CTNNA3: variants seen among roughly 807,000 people sequenced by gnomAD.
The protein encoded by CTNNA3 is catenin alpha 3, also known as catenin alpha-3.
A neutral mutation model predicts 95.7 loss-of-function variants in CTNNA3; 76 were observed. The observed-to-expected ratio is 0.79, with a 90% CI of 0.66 to 0.96. CTNNA3 has a LOEUF of 0.96. Ranked by LOEUF, CTNNA3 falls within the 40% of genes least tolerant of loss-of-function variation. CTNNA3 has a pLI of 0.00. For missense variants in CTNNA3, 1,191 were observed against 1,089.8 expected (o/e 1.09, Z -1.31); for synonymous variants, 431 against 374.4 (o/e 1.15, Z -1.74).
intron 10 of CTNNA3, among the ~76,000 whole-genome samples, chr10:66,616,512 T>C (rs190683953): frequency 3.3e-4 from 50 of 152,216 alleles, no homozygotes; most frequent in African/African-American, 1.1e-3. Context: ...ATTGCTTTTC[T>C]GAGGTGTTCA....
chr10:67,562,020 C>A (rs1409368040), intron 3 of CTNNA3, among the ~76,000 whole-genome samples: 3 of 152,096 alleles, frequency 2.0e-5, no homozygotes, highest in Admixed American at 1.3e-4. Context: ...CAAAAAGAGT[C>A]CAGGACCAGA....
intron 7 of CTNNA3, among the ~76,000 whole-genome samples, chr10:66,972,158 A>G (rs1849757247): frequency 6.6e-6 from 1 of 152,164 alleles, no homozygotes; most frequent in Non-Finnish European, 1.5e-5. Context: ...TTAACAACAT[A>G]TAGTCAATTT....
chr10:66,885,923 GCCCA>G (rs1845026220), intron 7 of CTNNA3, among the ~76,000 whole-genome samples: 1 of 152,034 alleles, frequency 6.6e-6, no homozygotes, highest in African/African-American at 2.4e-5. Flanking sequence ...CTGGATAACT[GCCCA>G]ACCAACTTTC....
At position 66,772,612 on chromosome 10, in the gene CTNNA3, G is replaced by A. The variant is rs1317446642; in HGVS notation, c.1128+2832C>T. On this transcript the variant is annotated intron_variant, in intron 8 of 17. Coordinates refer to ENST00000433211, the MANE Select transcript of CTNNA3 (RefSeq NM_013266.4). ...CAAGAACATTTGTCTTTGTTCTCTA[G>A]TAAAACAGGCAAGAAAGTCACAGAG... is the stretch of plus-strand genomic sequence containing the variant. Among the ~76,000 whole-genome samples the A allele has an allele frequency of 3.9e-5, 6 of 152,278 alleles. No individual in the cohort carries two copies. In the East Asian group the frequency reaches 1.2e-3, roughly 29 times the overall value.
At chr10:67,607,816 C>G (rs918555598) in intron 2 of CTNNA3, among the ~76,000 whole-genome samples, 6 of 152,288 alleles carry the variant, frequency 3.9e-5, no homozygotes, top group Middle Eastern at 3.4e-3. Flanking sequence ...AAAATGTCCT[C>G]TCTTCAACTA....
chr10:67,160,876 GACA>G (rs1220550669), intron 7 of CTNNA3, among the ~76,000 whole-genome samples: 2 of 152,152 alleles, frequency 1.3e-5, no homozygotes, highest in African/African-American at 4.8e-5. Flanking sequence ...CTTGCACTGT[GACA>G]ACATGAATGA....
chr10:66,329,592 C>G (rs996234187), intron 12 of CTNNA3, among the ~76,000 whole-genome samples: 1 of 146,932 alleles, frequency 6.8e-6, no homozygotes, highest in Non-Finnish European at 1.5e-5. Context: ...AAAAAAAAAA[C>G]CTACTACAAA....
At chr10:66,635,638 G>A (rs1270739967) in intron 9 of CTNNA3, among the ~76,000 whole-genome samples, 1 of 152,106 alleles carries the variant, frequency 6.6e-6, no homozygotes, top group Non-Finnish European at 1.5e-5. Context: ...ATAGGACAAA[G>A]TTAATTGAAT....
intron 7 of CTNNA3, among the ~76,000 whole-genome samples, chr10:67,079,475 G>A (rs529059706): frequency 2.6e-5 from 4 of 152,240 alleles, no homozygotes; most frequent in South Asian, 2.1e-4. Context: ...AATATCTCCC[G>A]AGGATCAGAG....
Position 67,035,450 on chromosome 10 carries a change from G to A in CTNNA3, c.1047+144867C>T, listed in dbSNP as rs141147096. ...CTTTGAAGTTGTTGCTCTTGTAGAT[G>A]TTGGTATTTTTTTTTAATTTTGAAG... On this transcript the variant is annotated intron_variant, in intron 7 of 17. Coordinates refer to ENST00000433211, the MANE Select transcript of CTNNA3 (RefSeq NM_013266.4). Among the ~76,000 whole-genome samples, 1,267 of 152,212 alleles carry A rather than the reference G, an allele frequency of 8.3e-3. 11 individuals carry two copies. The highest frequency in any genetic ancestry group is 0.013 in the Non-Finnish European group (885 of 68,004).
At chr10:66,467,501 C>T (rs975716012) in intron 11 of CTNNA3, among the ~76,000 whole-genome samples, 1 of 151,992 alleles carries the variant, frequency 6.6e-6, no homozygotes, top group African/African-American at 2.4e-5. Flanking sequence ...ATGGCAGTCC[C>T]CTTTTCCTTG....
intron 9 of CTNNA3, among the ~76,000 whole-genome samples, chr10:66,678,373 G>A (rs1846941408): frequency 6.6e-6 from 1 of 152,026 alleles, no homozygotes; most frequent in Admixed American, 6.6e-5. Flanking sequence ...GGTACTCAAA[G>A]CTTATCTATT....
chr10:66,800,771 G>A (rs1036205445), intron 7 of CTNNA3, among the ~76,000 whole-genome samples: 17 of 151,074 alleles, frequency 1.1e-4, no homozygotes, highest in South Asian at 4.2e-4. Context: ...TTAATCCTAC[G>A]TAGATTTATA....
At chr10:67,504,451 A>C (rs111977237) in intron 5 of CTNNA3, among the ~76,000 whole-genome samples, 2,186 of 143,562 alleles carry the variant, frequency 0.015, 64 homozygotes, top group African/African-American at 0.05. Context: ...AAAAAAAAAA[A>C]AAAAAAAAAC....
intron 2 of CTNNA3, among the ~76,000 whole-genome samples, chr10:67,626,911 T>C (rs1425635551): frequency 6.6e-6 from 1 of 152,164 alleles, no homozygotes; most frequent in Non-Finnish European, 1.5e-5. Flanking sequence ...TAATAAATCT[T>C]TGGTAAATAA....
chr10:66,952,707 C>T (rs1304000400), intron 7 of CTNNA3, among the ~76,000 whole-genome samples: 1 of 151,994 alleles, frequency 6.6e-6, no homozygotes, highest in African/African-American at 2.4e-5. Flanking sequence ...TATAATCTGA[C>T]TTGCAATTAT....
chr10:66,071,361 T>C (rs1250900914), intron 14 of CTNNA3, among the ~76,000 whole-genome samples: 1 of 26,554 alleles, frequency 3.8e-5, no homozygotes, highest in Non-Finnish European at 9.4e-5. Flanking sequence ...ACTATTGATC[T>C]TGGAATGTGT....
chr10:66,414,563 G>A (rs1482170046), intron 11 of CTNNA3, among the ~76,000 whole-genome samples: 1 of 152,180 alleles, frequency 6.6e-6, no homozygotes, highest in East Asian at 1.9e-4. Context: ...TATTATGGCA[G>A]CTTCCCATGG....
chr10:66,784,600 A>G (rs555534500), intron 7 of CTNNA3, among the ~76,000 whole-genome samples: 2 of 152,120 alleles, frequency 1.3e-5, no homozygotes, highest in Admixed American at 6.6e-5. Flanking sequence ...GAAAATTTCC[A>G]TTCTTCTTTA....
Sources: allele counts gnomAD v4.1 joint callset (sites outside exome capture counted in the v4.1 genomes callset), GRCh38; gene constraint gnomAD v4.1.1; transcripts MANE v1.5; gene names NCBI Gene and HGNC (gene_info 2026-07-23, HGNC 2026-07-21).